Variants in DOCK3 observed in about 807,000 individuals in gnomAD.
DOCK3 encodes the protein dedicator of cytokinesis protein 3.
In DOCK3, 60 loss-of-function variants were observed where a neutral mutation model predicts 265.6. That is an observed-to-expected ratio of 0.23 (90% CI 0.18 to 0.28). The LOEUF (loss-of-function observed/expected upper bound fraction) is 0.28. Among genes scored for constraint, DOCK3 ranks in the 10% least tolerant of loss-of-function variants. The pLI is 1.00. For missense variants in DOCK3, 1,981 were observed against 2,594.3 expected (o/e 0.76, Z 5.14); for synonymous variants, 881 against 938.0 (o/e 0.94, Z 1.11).
intron 3 of DOCK3, among the ~76,000 whole-genome samples, chr3:50,889,167 G>C (rs1321949888): frequency 6.7e-6 from 1 of 148,628 alleles, no homozygotes; most frequent in Non-Finnish European, 1.5e-5. Context: ...TGCTATCATA[G>C]CTCACTGTAG....
chr3:51,244,189 G>A (rs1014468853), intron 21 of DOCK3, among the ~76,000 whole-genome samples: 1 of 150,528 alleles, frequency 6.6e-6, no homozygotes, highest in Admixed American at 6.6e-5. Context: ...GCTATTCCAG[G>A]TCACTTGTGA....
chr3:51,102,156 C>T lies in DOCK3; in HGVS notation c.746+11772C>T, dbSNP rs1163202555. Among the ~76,000 whole-genome samples the T allele has an allele frequency of 2.0e-5, 3 of 152,324 alleles. No individual in the cohort carries two copies. In the East Asian group the frequency reaches 5.8e-4, roughly 29 times the overall value. ...TTGGAGTTACAATCATTGAGGGTCT[C>T]TGGACACAGACTTCTAGTGACCGGA... is the stretch of plus-strand genomic sequence containing the variant. On this transcript the variant is annotated intron_variant, in intron 9 of 52. Coordinates refer to ENST00000266037, the MANE Select transcript of DOCK3 (RefSeq NM_004947.5).
intron 5 of DOCK3, among the ~76,000 whole-genome samples, chr3:51,004,582 A>G (rs2078604099): frequency 6.6e-6 from 1 of 152,100 alleles, no homozygotes; most frequent in Non-Finnish European, 1.5e-5. Flanking sequence ...TGGAACCATG[A>G]TTATAGTAGT....
chr3:50,772,172 T>C (rs2041316695), intron 1 of DOCK3, among the ~76,000 whole-genome samples: 1 of 152,160 alleles, frequency 6.6e-6, no homozygotes. Context: ...ATCATTATAT[T>C]AAGTGAAATA....
rs557145429 is a variant in DOCK3 at position 50,849,547 on chromosome 3, T to G, written c.162+7832T>G. Among the ~76,000 whole-genome samples, 9 of 150,560 alleles carry G rather than the reference T, an allele frequency of 6.0e-5. No individual in the cohort carries two copies. The South Asian group carries it at 1.3e-3, about 21-fold the overall frequency. ...ACAGCTCACTGTAGCCTTGACCTCC[T>G]AGGCCTTAGTGATCTCCCACCTCAA... On this transcript the variant is annotated intron_variant, in intron 3 of 52. Coordinates refer to ENST00000266037, the MANE Select transcript of DOCK3 (RefSeq NM_004947.5).
chr3:50,796,014 G>T (rs1185575289), intron 2 of DOCK3, among the ~76,000 whole-genome samples: 1 of 151,474 alleles, frequency 6.6e-6, no homozygotes, highest in Non-Finnish European at 1.5e-5. Context: ...GAGCGCCATT[G>T]GGAACCCTTT....
chr3:51,067,456 T>TGTGTGTGTGTGTGTGTGTGTGC (rs1553750450), intron 6 of DOCK3, among the ~76,000 whole-genome samples: 1 of 150,232 alleles, frequency 6.7e-6, no homozygotes, highest in African/African-American at 2.5e-5. Flanking sequence ...TGTGTGTGTG[T>TGTGTGTGTGTGTGTGTGTGTGC]GCGCGCGCGT....
intron 9 of DOCK3, among the ~76,000 whole-genome samples, chr3:51,124,669 T>G (rs1386195551): frequency 6.6e-6 from 1 of 152,238 alleles, no homozygotes; most frequent in Non-Finnish European, 1.5e-5. Context: ...GTAGCTATTT[T>G]CAAATGCTTT....
At chr3:51,263,659 T>G (rs1045441645) in intron 23 of DOCK3, among the ~76,000 whole-genome samples, 7 of 152,138 alleles carry the variant, frequency 4.6e-5, no homozygotes, top group African/African-American at 1.7e-4. Context: ...CATCAGTGTG[T>G]TGTATTCAGG....
chr3:50,921,959 A>G (rs1410302815), intron 4 of DOCK3, among the ~76,000 whole-genome samples: 2 of 152,212 alleles, frequency 1.3e-5, no homozygotes, highest in African/African-American at 2.4e-5. Context: ...GGTGTCAGTC[A>G]GCCCTTACTG....
chr3:51,320,291 A>G (rs1385024140), intron 32 of DOCK3, among the ~76,000 whole-genome samples: 2 of 152,128 alleles, frequency 1.3e-5, no homozygotes, highest in African/African-American at 2.4e-5. Flanking sequence ...CAGATACTGC[A>G]CTTTCCCCAT....
chr3:51,330,373 C>A (rs761896978), intron 33 of DOCK3, 150 bp downstream of exon 33: 9 of 621,434 alleles, frequency 1.4e-5, no homozygotes, highest in Non-Finnish European at 2.2e-5. Context: ...TGCTCAACTT[C>A]TGTCAACAAG....
intron 5 of DOCK3, among the ~76,000 whole-genome samples, chr3:51,043,803 C>T (rs1441763064): frequency 3.3e-5 from 5 of 151,742 alleles, no homozygotes; most frequent in Non-Finnish European, 5.9e-5. Context: ...GATATACATG[C>T]GGCCAACAAT....
At chr3:51,070,501 C>A (rs188077631) in intron 6 of DOCK3, among the ~76,000 whole-genome samples, 9 of 152,160 alleles carry the variant, frequency 5.9e-5, no homozygotes, top group Admixed American at 5.9e-4. Flanking sequence ...TGTCTACTTC[C>A]CAAAGTGCTT....
chr3:51,274,177 G>A lies in DOCK3; in HGVS notation c.2549-902G>A, dbSNP rs1170716755. ...TTCAGTAGGATTGGTGATAAATGTTGGCTAATTATCAAAGTCTTGTGACAA... is the reference window on the plus strand; with the variant it reads ...TTCAGTAGGATTGGTGATAAATGTTAGCTAATTATCAAAGTCTTGTGACAA... On this transcript the variant is annotated intron_variant, in intron 24 of 52. Coordinates refer to ENST00000266037, the MANE Select transcript of DOCK3 (RefSeq NM_004947.5). 2.0e-5 allele frequency among the ~76,000 whole-genome samples: 3 copies of A among 152,170 alleles called. No homozygotes were observed. In the South Asian group the frequency reaches 6.2e-4, roughly 32 times the overall value.
intron 48 of DOCK3, 131 bp from the exon 49 acceptor site, chr3:51,362,396 C>T: frequency 4.1e-6 from 5 of 1,231,152 alleles, no homozygotes; most frequent in Non-Finnish European, 5.6e-6. Context: ...AGCCTGGCCT[C>T]CATCAGGGCT....
chr3:51,274,633 CGA>C (rs1057285902), intron 24 of DOCK3, among the ~76,000 whole-genome samples: 1 of 151,810 alleles, frequency 6.6e-6, no homozygotes, highest in Non-Finnish European at 1.5e-5. Context: ...AAAAATTATC[CGA>C]GTGTGGTGCC....
At chr3:51,204,696 G>A (rs746337914) in intron 12 of DOCK3, among the ~76,000 whole-genome samples, 1 of 148,016 alleles carries the variant, frequency 6.8e-6, no homozygotes, top group Non-Finnish European at 1.5e-5. Flanking sequence ...AAATCATGCT[G>A]CTATAAAGAC....
At chr3:51,338,886 C>G (rs752945577) in intron 36 of DOCK3, 49 bp from the exon 37 acceptor site, 2 of 1,504,004 alleles carry the variant, frequency 1.3e-6, no homozygotes, top group Non-Finnish European at 1.8e-6. Flanking sequence ...CAGAGCTTGG[C>G]TATGGCTTCC....
Sources: gnomAD v4.1 joint callset for allele counts (sites outside exome capture counted in the v4.1 genomes callset) on GRCh38, gnomAD v4.1.1 for gene constraint, MANE v1.5 for transcripts, NCBI Gene and HGNC (gene_info 2026-07-23, HGNC 2026-07-21) for gene names.